The following DCDC1 variants were observed in gnomAD, a reference collection of about 807,000 sequenced individuals.
DCDC1 encodes the protein doublecortin domain containing 1, also known as doublecortin domain-containing protein 1.
DCDC1 carries 200 observed loss-of-function variants against 178.3 expected under a neutral mutation model. The observed-to-expected ratio is 1.12, with a 90% CI of 1.00 to 1.26. The LOEUF (loss-of-function observed/expected upper bound fraction) is 1.26, where lower values mean the gene tolerates loss of function less well. DCDC1 is among the 50% of genes most tolerant of loss of function. The probability of loss-of-function intolerance (pLI) is 0.00; values close to 1 mark genes in which losing one functional copy is unlikely to be tolerated. For missense variants in DCDC1, 1,983 were observed against 1,749.2 expected, an observed-to-expected ratio of 1.13 and a Z score of -2.38; for synonymous variants, 690 against 604.8, an observed-to-expected ratio of 1.14 and a Z score of -2.07.
chr11:30,906,825 C>T (rs192287841), intron 29 of DCDC1, 100 bp from the exon 30 acceptor site: 25 of 1,023,446 alleles, frequency 2.4e-5, no homozygotes, highest in Admixed American at 3.5e-5. Flanking sequence ...TTTTAACACC[C>T]CAAAATGCTA....
intron 20 of DCDC1, among the ~76,000 whole-genome samples, chr11:31,032,867 T>C (rs916312188): frequency 7.2e-5 from 11 of 152,108 alleles, no homozygotes; most frequent in Non-Finnish European, 8.8e-5. Context: ...TCGGGACAAT[T>C]ACCTTACTCT....
chr11:31,143,293 A>G (rs569887187), intron 9 of DCDC1, among the ~76,000 whole-genome samples: 163 of 152,240 alleles, frequency 1.1e-3, no homozygotes, highest in African/African-American at 3.5e-3. Context: ...AATAAGTAAT[A>G]TGTTTATTAT....
chr11:31,363,355 CAA>C (rs570239274), intron 1 of DCDC1, among the ~76,000 whole-genome samples: 43 of 152,136 alleles, frequency 2.8e-4, no homozygotes, highest in African/African-American at 9.1e-4. Context: ...TATTTTAAAA[CAA>C]GAGTTATTGC....
chr11:31,274,256 C>A (rs1398868473), intron 7 of DCDC1, among the ~76,000 whole-genome samples: 1 of 152,180 alleles, frequency 6.6e-6, no homozygotes, highest in Admixed American at 6.5e-5. Context: ...CTTCCATTTA[C>A]ATACCGACAA....
chr11:31,050,587 C>T (rs1955178429), intron 20 of DCDC1, among the ~76,000 whole-genome samples: 1 of 152,174 alleles, frequency 6.6e-6, no homozygotes. Flanking sequence ...GCTAAGAACC[C>T]TCATGGAGTC....
intron 10 of DCDC1, among the ~76,000 whole-genome samples, chr11:31,128,935 C>G (rs1962034644): frequency 6.6e-6 from 1 of 152,086 alleles, no homozygotes; most frequent in African/African-American, 2.4e-5. Context: ...GTCAGAAATT[C>G]CAAACTATTT....
At chr11:31,315,646 CTTTTTTTTT>C (rs59083470) in intron 3 of DCDC1, among the ~76,000 whole-genome samples, 4 of 112,428 alleles carry the variant, frequency 3.6e-5, no homozygotes, top group Admixed American at 2.9e-4. Context: ...ATCTGCATAC[CTTTTTTTTT>C]TTTTTTTTTT....
intron 20 of DCDC1, among the ~76,000 whole-genome samples, chr11:30,962,723 C>T (rs924001640): frequency 4.6e-5 from 7 of 151,986 alleles, no homozygotes; most frequent in Admixed American, 2.0e-4. Context: ...CTTGGAAGTT[C>T]GCTTTTAACA....
chr11:31,076,327 T>G (rs1956862790), intron 18 of DCDC1, among the ~76,000 whole-genome samples: 3 of 152,082 alleles, frequency 2.0e-5, no homozygotes, highest in Non-Finnish European at 2.9e-5. Flanking sequence ...TTCCAGTTGT[T>G]CTGTTTACTT....
chr11:30,892,601 A>G (rs1021590285), intron 36 of DCDC1, among the ~76,000 whole-genome samples: 1 of 152,212 alleles, frequency 6.6e-6, no homozygotes, highest in Non-Finnish European at 1.5e-5. Flanking sequence ...TTGCCTATTC[A>G]GATTCACATC....
intron 37 of DCDC1, among the ~76,000 whole-genome samples, chr11:30,879,627 G>T (rs2133966239): frequency 6.6e-6 from 1 of 152,250 alleles, no homozygotes; most frequent in Middle Eastern, 3.4e-3. Context: ...TTATAAAATT[G>T]AAGATGCAAA....
chr11:30,960,682 G>T (rs2134571915), intron 20 of DCDC1, among the ~76,000 whole-genome samples: 1 of 152,186 alleles, frequency 6.6e-6, no homozygotes, highest in South Asian at 2.1e-4. Context: ...TTTCTTCAGT[G>T]TGGACAGGGG....
chr11:31,310,308 A>ATTTTTTTTTTTTTTTTT lies in DCDC1; in HGVS notation c.165-2417_165-2401dup, dbSNP rs11407483. 5.6e-5 allele frequency among the ~76,000 whole-genome samples: 3 copies of ATTTTTTTTTTTTTTTTT among 53,882 alleles called. 1 individual carries two copies. Among genetic ancestry groups the ATTTTTTTTTTTTTTTTT allele is most frequent in the African/African-American group, 2.6e-4 (3 of 11,730 alleles). 35.3% of individuals were successfully genotyped at this position (53,882 alleles called of 152,430 possible). ...GAGGACAGGTTTTCAGTAATTCTTG[A>ATTTTTTTTTTTTTTTTT]TTTTTTTTTTTTTTTTTTTTTTTTT... On this transcript the variant is annotated intron_variant, in intron 3 of 38. Transcript: ENST00000684477.
Position 31,031,414 on chromosome 11 carries a change from A to G in DCDC1, c.2591+33055T>C, listed in dbSNP as rs930725036. Among the ~76,000 whole-genome samples the G allele has an allele frequency of 4.6e-5, 7 of 152,260 alleles. No individual in the cohort carries two copies. In the South Asian group the frequency reaches 1.2e-3, roughly 27 times the overall value. On this transcript the variant is annotated intron_variant, in intron 20 of 38. Transcript: ENST00000684477. ...TATGTATGTAACTTACTAAGAATTA[A>G]CACAGTCTAATTTTAGATATTATTA...
rs147617045 is a variant in DCDC1, at chr11:31,322,429, A to C, written c.164+5688T>G. Among the ~76,000 whole-genome samples the C allele has an allele frequency of 3.7e-3, 566 of 152,348 alleles. 1 individual carries two copies. Among genetic ancestry groups the C allele is most frequent in the Non-Finnish European group, 5.6e-3 (384 of 68,038 alleles). On this transcript the variant is annotated intron_variant, in intron 3 of 38. Transcript: ENST00000684477. ...CTTATATGTCCATGGAAAGTATCCT[A>C]CGATCAGCTCCAGTGAGTAAATCTT...
chr11:31,300,412 G>A (rs974111067), intron 6 of DCDC1, among the ~76,000 whole-genome samples: 1 of 152,010 alleles, frequency 6.6e-6, no homozygotes, highest in African/African-American at 2.4e-5. Flanking sequence ...TTTAGACCAG[G>A]GGCTTATAGA....
intron 9 of DCDC1, among the ~76,000 whole-genome samples, chr11:31,211,129 C>T (rs1043419718): frequency 2.0e-5 from 3 of 152,178 alleles, no homozygotes; most frequent in Non-Finnish European, 4.4e-5. Context: ...TCCACCATGA[C>T]TTCATGAGCA....
chr11:31,328,167 A>T lies in DCDC1; in HGVS notation c.114T>A (p.Asp38Glu). The change falls in exon 3 of 39, where the codon GAT becomes GAA. Residue 38 changes from aspartate to glutamate, a missense_variant. Coordinates refer to ENST00000684477, the MANE Select transcript of DCDC1 (RefSeq NM_001387274.1). ...LQQSSPEGTLDGNTVNPIYKY... is the reference protein window; with the variant it reads ...LQQSSPEGTLEGNTVNPIYKY... ...TGTAAATTGGGTTTACAGTATTCCC[A>T]TCCAAAGTGCCTTCAGGGCTACTTT... 5.6e-6 allele frequency: 9 copies of T among 1,612,590 alleles called. No individual in the cohort carries two copies. The highest frequency in any genetic ancestry group is 7.6e-6 in the Non-Finnish European group (9 of 1,178,992).
At chr11:30,925,072 CAA>C (rs375902731) in intron 23 of DCDC1, among the ~76,000 whole-genome samples, 28 of 114,982 alleles carry the variant, frequency 2.4e-4, no homozygotes, top group African/African-American at 4.9e-4. Flanking sequence ...AACTCCATCT[CAA>C]AAAAAAAAAA....
Sources: allele counts gnomAD v4.1 joint callset (sites outside exome capture counted in the v4.1 genomes callset), GRCh38; gene constraint gnomAD v4.1.1; transcripts MANE v1.5; gene names NCBI Gene and HGNC (gene_info 2026-07-23, HGNC 2026-07-21).